Variants in SEC23B observed in about 807,000 individuals in gnomAD.
SEC23B encodes the protein SEC23 homolog B, COPII component, also known as protein transport protein Sec23B.
A neutral mutation model predicts 104.3 loss-of-function variants in SEC23B; 77 were observed. The observed-to-expected ratio is 0.74, with a 90% CI of 0.61 to 0.89. The LOEUF is 0.89. SEC23B is among the 40% of genes least tolerant of loss of function. The probability of loss-of-function intolerance (pLI) is 0.00; values close to 1 mark genes in which losing one functional copy is unlikely to be tolerated. For missense variants in SEC23B, 885 were observed against 949.4 expected (o/e 0.93, Z 0.89); for synonymous variants, 338 against 332.5 (o/e 1.02, Z -0.18).
intron 14 of SEC23B, among the ~76,000 whole-genome samples, chr20:18,544,986 A>G (rs1019542910): frequency 1.3e-5 from 2 of 151,468 alleles, no homozygotes; most frequent in Non-Finnish European, 2.9e-5. Flanking sequence ...TTAGGGTGGG[A>G]GAAAGTTTTT....
chr20:18,527,646 G>A, intron 9 of SEC23B, 35 bp downstream of exon 9: 1 of 1,319,898 alleles, frequency 7.6e-7, no homozygotes, highest in Non-Finnish European at 1.1e-6. Context: ...CAGAGTGACA[G>A]TGTTATTTTA....
chr20:18,536,442 C>A lies in SEC23B; in HGVS notation c.1404+700C>A, dbSNP rs189756197. On this transcript the variant is annotated intron_variant, in intron 12 of 19. Coordinates refer to ENST00000650089, the MANE Select transcript of SEC23B (RefSeq NM_006363.6). ...GTGCTGTGGCTCACGCCTGTAATCC[C>A]AGCACTTTGGGAGGCCGAGGCGGGC... Among the ~76,000 whole-genome samples the A allele has an allele frequency of 2.4e-3, 368 of 152,294 alleles. 7 individuals carry two copies. Among genetic ancestry groups the A allele is most frequent in the Admixed American group, 0.02 (303 of 15,298 alleles).
At chr20:18,550,643 G>A (rs536042313) in intron 16 of SEC23B, among the ~76,000 whole-genome samples, 7 of 152,078 alleles carry the variant, frequency 4.6e-5, no homozygotes, top group Non-Finnish European at 8.8e-5. Flanking sequence ...GGACAACATA[G>A]TGTGAGACCC....
chr20:18,545,890 C>A, intron 14 of SEC23B, 66 bp from the exon 15 acceptor site: 1 of 952,184 alleles, frequency 1.1e-6, no homozygotes, highest in Non-Finnish European at 1.7e-6. Context: ...CCAGGTAATG[C>A]TAACTTAGAT....
rs1555789937 is a variant in SEC23B at position 18,539,223 on chromosome 20, A to AC, written c.1405-3073_1405-3072insC. Among the ~76,000 whole-genome samples the AC allele has an allele frequency of 8.3e-5, 12 of 144,844 alleles. No homozygotes were observed. In the South Asian group the frequency reaches 2.0e-3, roughly 24 times the overall value. On this transcript the variant is annotated intron_variant, in intron 12 of 19. Transcript: ENST00000650089. Reference sequence around the variant, plus strand: ...CAAGACTCCGTCTAAAAAAAAAAAAAGGCCGGGTGCGGTGGCTCACGCCTG... The same window carrying AC: ...CAAGACTCCGTCTAAAAAAAAAAAAACGGCCGGGTGCGGTGGCTCACGCCTG...
At chr20:18,511,832 T>C (rs1009839975) in intron 2 of SEC23B, among the ~76,000 whole-genome samples, 10 of 152,230 alleles carry the variant, frequency 6.6e-5, no homozygotes, top group African/African-American at 2.2e-4. Context: ...GTGTGAAATA[T>C]GCTTTTAATG....
Position 18,554,260 on chromosome 20 carries a change from G to T in SEC23B, c.2018G>T (p.Gly673Val). 6.2e-7 allele frequency: 1 copy of T among 1,614,166 alleles called. No individual in the cohort carries two copies. Among genetic ancestry groups the T allele is most frequent in the Non-Finnish European group, 8.5e-7 (1 of 1,180,030 alleles). The change falls in exon 18 of 20, where the codon GGC becomes GTC. Residue 673 changes from glycine (G) to valine (V), a missense_variant. Physicochemically the swap from Gly to Val is moderately radical, Grantham distance 109 (BLOSUM62 -3). Transcript: ENST00000650089. ...GETIAQWRKA[G>V]YQDMPEYENF... ...ACCATAGCCCAGTGGCGTAAAGCTG[G>T]CTACCAGGACATGCCCGAGTATGAA...
intron 18 of SEC23B, among the ~76,000 whole-genome samples, chr20:18,554,737 G>A (rs769223081): frequency 1.2e-4 from 18 of 150,528 alleles, no homozygotes; most frequent in Non-Finnish European, 2.1e-4. Flanking sequence ...TGAGGCAGAA[G>A]AATGGCGTGA....
chr20:18,516,887 C>T (rs1047305381), intron 4 of SEC23B, among the ~76,000 whole-genome samples: 8 of 151,626 alleles, frequency 5.3e-5, no homozygotes, highest in African/African-American at 1.9e-4. Context: ...TTTGAGATTC[C>T]GTATAATTTG....
rs142234362 is a variant in SEC23B at position 18,541,141 on chromosome 20, C to T, written c.1405-1155C>T. Among the ~76,000 whole-genome samples the T allele has an allele frequency of 2.4e-3, 368 of 152,350 alleles. 7 individuals are homozygous for T. Among genetic ancestry groups the T allele is most frequent in the Admixed American group, 0.02 (303 of 15,304 alleles). ...TCTTTCCCTAAACCTCAGGAACCAA[C>T]CTCTGCCAGCTTCCAGCTTTCTCCT... On this transcript the variant is annotated intron_variant, in intron 12 of 19. Transcript: ENST00000650089.
chr20:18,540,134 T>C (rs1335645781), intron 12 of SEC23B, among the ~76,000 whole-genome samples: 1 of 152,226 alleles, frequency 6.6e-6, no homozygotes, highest in African/African-American at 2.4e-5. Context: ...GTGAATCCTT[T>C]TCAGAAGATT....
chr20:18,521,163 A>T (rs1437117294), intron 4 of SEC23B, among the ~76,000 whole-genome samples: 5 of 152,144 alleles, frequency 3.3e-5, no homozygotes, highest in Admixed American at 3.3e-4. Context: ...CTCACAGTGG[A>T]GGCAATGAAT....
intron 12 of SEC23B, among the ~76,000 whole-genome samples, chr20:18,536,970 G>A (rs1382001390): frequency 6.6e-6 from 1 of 152,314 alleles, no homozygotes; most frequent in East Asian, 1.9e-4. Context: ...GGCTGAGGAG[G>A]AGGAGGAAGA....
intron 14 of SEC23B, among the ~76,000 whole-genome samples, chr20:18,543,617 G>A (rs1458315249): frequency 6.6e-6 from 1 of 152,204 alleles, no homozygotes; most frequent in Non-Finnish European, 1.5e-5. Context: ...TACAACAAGA[G>A]AGTAGAACAG....
chr20:18,525,697 A>G, intron 6 of SEC23B, 91 bp from the exon 7 acceptor site: 2 of 1,357,760 alleles, frequency 1.5e-6, no homozygotes, highest in Non-Finnish European at 1.1e-6. Flanking sequence ...CTGAATAATT[A>G]TCTTGAAGAG....
intron 18 of SEC23B, among the ~76,000 whole-genome samples, chr20:18,554,704 G>A (rs1307418459): frequency 6.6e-6 from 1 of 151,910 alleles, no homozygotes; most frequent in African/African-American, 2.4e-5. Flanking sequence ...GCGGGCACCT[G>A]TAGTCCCAGC....
At position 18,548,697 on chromosome 20, in the gene SEC23B, G is replaced by A. The variant is rs1408291549; in HGVS notation, c.1832G>A (p.Arg611Gln). 9 of 1,614,060 alleles carry A rather than the reference G, an allele frequency of 5.6e-6. No individual in the cohort carries two copies. Among genetic ancestry groups the A allele is most frequent in the Non-Finnish European group, 6.8e-6 (8 of 1,180,012 alleles). The change falls in exon 16 of 20, where the codon CGG (arginine) becomes CAG (glutamine). Residue 611 changes from arginine to glutamine, a missense_variant. Arg to Gln is a conservative substitution (Grantham distance 43). Transcript: ENST00000650089. ...TCATATTACAGACATCATTTTGCCC[G>A]GCAGGACCTGACCCAGTCCCTCATC... Reference protein sequence around the residue: ...ESSYYRHHFARQDLTQSLIMI... With the variant: ...ESSYYRHHFAQQDLTQSLIMI...
In SEC23B at chr20:18,530,729, A is replaced by G. The variant is rs1238172837; in HGVS notation, c.1159A>G (p.Thr387Ala). The change falls in exon 10 of 20, where the codon ACA becomes GCA. Residue 387 changes from threonine to alanine, a missense_variant. Coordinates refer to ENST00000650089, the MANE Select transcript of SEC23B (RefSeq NM_006363.6). ...TTTCAACACTTCTCTCTTCAAGCAG[A>G]CATTCCAAAGAATCTTTACTAAAGA... ...DSFNTSLFKQ[T>A]FQRIFTKDFN... The G allele has an allele frequency of 6.2e-7, 1 of 1,613,508 alleles. No homozygotes were observed. The highest frequency in any genetic ancestry group is 8.5e-7 in the Non-Finnish European group (1 of 1,179,440).
intron 11 of SEC23B, 128 bp downstream of exon 11, chr20:18,532,872 C>T: frequency 1.4e-6 from 1 of 735,704 alleles, no homozygotes; most frequent in Non-Finnish European, 2.5e-6. Context: ...AGGGCTAACC[C>T]TCACTGATGA....
Sources: allele counts gnomAD v4.1 joint callset (sites outside exome capture counted in the v4.1 genomes callset), GRCh38; gene constraint gnomAD v4.1.1; transcripts MANE v1.5; gene names NCBI Gene and HGNC (gene_info 2026-07-23, HGNC 2026-07-21).